FERMT2: variants seen among roughly 807,000 people sequenced by gnomAD.
FERMT2 encodes the protein fermitin family homolog 2.
Under a neutral mutation model 82.7 loss-of-function variants are expected in FERMT2, and 15 were observed. That is an observed-to-expected ratio of 0.18 (90% CI 0.12 to 0.28). FERMT2 has a LOEUF of 0.28. FERMT2 is among the 10% of genes least tolerant of loss of function. The pLI, the probability that FERMT2 is intolerant of heterozygous loss-of-function variation, is 1.00. For synonymous variants in FERMT2, 274 were observed against 271.5 expected (o/e 1.01, Z -0.09); for missense variants, 645 against 809.4 (o/e 0.80, Z 2.46).
chr14:52,877,574 C>CTTTTGTTTT (rs1886041360), intron 7 of FERMT2, among the ~76,000 whole-genome samples: 1 of 67,060 alleles, frequency 1.5e-5, no homozygotes, highest in Non-Finnish European at 2.5e-5. Flanking sequence ...GCTGTTCTTG[C>CTTTTGTTTT]TTTTTTTTTT....
intron 2 of FERMT2, among the ~76,000 whole-genome samples, chr14:52,937,867 C>T (rs1306125492): frequency 1.3e-5 from 2 of 152,168 alleles, no homozygotes; most frequent in Admixed American, 6.5e-5. Context: ...TGCCCAAACT[C>T]ATTAAGGATC....
At position 52,950,392 on chromosome 14, in the gene FERMT2, G is replaced by A. The variant is rs1335613167; in HGVS notation, c.157+20C>T. 4 of 1,605,088 alleles carry A rather than the reference G, an allele frequency of 2.5e-6. No individual in the cohort carries two copies. The East Asian group carries it at 6.8e-5, about 27-fold the overall frequency. On this transcript the variant is annotated intron_variant, in intron 2 of 14. Coordinates refer to ENST00000341590, the MANE Select transcript of FERMT2 (RefSeq NM_006832.3). Reference sequence around the variant, plus strand: ...AATTCTGGGAAGTCATTAGTTGGACGCGGCTGGGATGCTACTCACCGAGTT... The same window carrying A: ...AATTCTGGGAAGTCATTAGTTGGACACGGCTGGGATGCTACTCACCGAGTT...
chr14:52,914,765 C>T (rs1211680534), intron 3 of FERMT2, among the ~76,000 whole-genome samples: 1 of 151,738 alleles, frequency 6.6e-6, no homozygotes, highest in African/African-American at 2.4e-5. Context: ...ACTAAAAATA[C>T]AAAAATTAGC....
At chr14:52,938,536 T>A (rs1889951514) in intron 2 of FERMT2, among the ~76,000 whole-genome samples, 1 of 152,126 alleles carries the variant, frequency 6.6e-6, no homozygotes, top group Non-Finnish European at 1.5e-5. Flanking sequence ...GTTGGCCACA[T>A]CTTAGAGTAA....
intron 2 of FERMT2, among the ~76,000 whole-genome samples, chr14:52,941,192 G>A (rs1477971988): frequency 1.3e-5 from 2 of 152,174 alleles, no homozygotes; most frequent in African/African-American, 4.8e-5. Flanking sequence ...TATGCTAAGT[G>A]AAAGAAACCA....
Position 52,902,131 on chromosome 14 carries a change from G to A in FERMT2, c.392-8704C>T, listed in dbSNP as rs111353601. 5.3e-3 allele frequency among the ~76,000 whole-genome samples: 806 copies of A among 152,284 alleles called. 8 individuals carry two copies. The highest frequency in any genetic ancestry group is 0.018 in the African/African-American group (746 of 41,552). ...TGAGAGGCCGGGCACGGTGGCTTAC[G>A]CCTGTAATCCCAGCACTTTGGGAGG... On this transcript the variant is annotated intron_variant, in intron 3 of 14. Coordinates refer to ENST00000341590, the MANE Select transcript of FERMT2 (RefSeq NM_006832.3).
intron 7 of FERMT2, among the ~76,000 whole-genome samples, chr14:52,877,845 T>A (rs1045644758): frequency 2.6e-5 from 4 of 152,122 alleles, no homozygotes; most frequent in Non-Finnish European, 4.4e-5. Flanking sequence ...AATCCCGTCA[T>A]AACTGGGAAT....
At chr14:52,909,732 A>G (rs1888208539) in intron 3 of FERMT2, among the ~76,000 whole-genome samples, 1 of 150,984 alleles carries the variant, frequency 6.6e-6, no homozygotes, top group South Asian at 2.1e-4. Context: ...AGGCTGCAGT[A>G]CAAAAAAGTA....
intron 3 of FERMT2, among the ~76,000 whole-genome samples, chr14:52,912,718 C>A (rs1888393647): frequency 6.6e-6 from 1 of 151,930 alleles, no homozygotes; most frequent in Non-Finnish European, 1.5e-5. Context: ...CCATGTTGGC[C>A]AAGCTGGTCT....
chr14:52,939,986 T>C (rs1890019609), intron 2 of FERMT2, among the ~76,000 whole-genome samples: 1 of 152,206 alleles, frequency 6.6e-6, no homozygotes, highest in African/African-American at 2.4e-5. Context: ...AAGAAAAAGA[T>C]ATCAAAAACA....
At chr14:52,905,872 T>C (rs1008349853) in intron 3 of FERMT2, among the ~76,000 whole-genome samples, 3 of 152,232 alleles carry the variant, frequency 2.0e-5, no homozygotes, top group Non-Finnish European at 2.9e-5. Context: ...AGTGAGCATA[T>C]GATGGCTTTC....
intron 7 of FERMT2, 35 bp downstream of exon 7, chr14:52,878,547 C>T (rs1232546327): frequency 4.7e-6 from 6 of 1,286,054 alleles, no homozygotes; most frequent in Non-Finnish European, 6.7e-6. Flanking sequence ...TACCCTTTAC[C>T]GGAATAAGTC....
At chr14:52,873,092 C>T (rs1448498124) in intron 9 of FERMT2, among the ~76,000 whole-genome samples, 169 bp from the exon 10 acceptor site, 1 of 152,142 alleles carries the variant, frequency 6.6e-6, no homozygotes, top group Non-Finnish European at 1.5e-5. Flanking sequence ...TTACTGGATG[C>T]GAGCCTCCCT....
At chr14:52,938,425 T>A (rs1375017931) in intron 2 of FERMT2, among the ~76,000 whole-genome samples, 1 of 152,234 alleles carries the variant, frequency 6.6e-6, no homozygotes, top group African/African-American at 2.4e-5. Flanking sequence ...AATACCATAT[T>A]TAGTCAATAC....
intron 2 of FERMT2, among the ~76,000 whole-genome samples, chr14:52,919,978 C>T (rs1422397181): frequency 6.6e-6 from 1 of 152,190 alleles, no homozygotes; most frequent in Non-Finnish European, 1.5e-5. Context: ...GAAAATGGAT[C>T]TAAAGTCACA....
intron 3 of FERMT2, among the ~76,000 whole-genome samples, chr14:52,916,858 GT>G (rs1888643057): frequency 6.6e-6 from 1 of 152,066 alleles, no homozygotes; most frequent in Admixed American, 6.5e-5. Flanking sequence ...AAAAACTACA[GT>G]TTATTAATTT....
rs1359048469 is a variant in FERMT2 at position 52,859,733 on chromosome 14, GAACGGTTAAA to G, written c.1728-29_1728-20del. 6.7e-7 allele frequency: 1 copy of G among 1,500,750 alleles called. No individual in the cohort carries two copies. The highest frequency in any genetic ancestry group is 9.1e-7 in the Non-Finnish European group (1 of 1,102,072). 93.0% of individuals were successfully genotyped at this position (1,500,750 alleles called of 1,614,324 possible). On this transcript the variant is annotated intron_variant, in intron 13 of 14. Transcript: ENST00000341590. ...TTGGAACCTATAACATTTAAGAAAA[GAACGGTTAAA>G]AACATGTTGTGGGGGAACATGTTGG...
At chr14:52,897,561 T>C (rs1419523691) in intron 3 of FERMT2, among the ~76,000 whole-genome samples, 8 of 152,314 alleles carry the variant, frequency 5.3e-5, no homozygotes, top group Admixed American at 2.0e-4. Context: ...CACTGGACTT[T>C]CTTTTTTAAA....
intron 2 of FERMT2, among the ~76,000 whole-genome samples, chr14:52,925,416 G>A (rs562160644): frequency 1.3e-5 from 2 of 151,998 alleles, no homozygotes; most frequent in Non-Finnish European, 2.9e-5. Flanking sequence ...AAATTAGCTG[G>A]GCCTGTTGGT....
Sources: gnomAD v4.1 joint callset for allele counts (sites outside exome capture counted in the v4.1 genomes callset) on GRCh38, gnomAD v4.1.1 for gene constraint, MANE v1.5 for transcripts, NCBI Gene and HGNC (gene_info 2026-07-23, HGNC 2026-07-21) for gene names.